Variants in SLC9A4 observed in about 807,000 individuals in gnomAD.
SLC9A4 encodes the protein sodium/hydrogen exchanger 4.
Under a neutral mutation model 67.4 loss-of-function variants are expected in SLC9A4, and 63 were observed. The ratio of observed to expected loss-of-function variants is 0.93; its 90% CI spans 0.76 to 1.15. The LOEUF is 1.15. Among genes scored for constraint, SLC9A4 ranks in the 50% most tolerant of loss-of-function variants. The pLI is 0.00. For missense variants in SLC9A4, 1,089 were observed against 987.7 expected (o/e 1.10, Z -1.38); for synonymous variants, 393 against 367.2 (o/e 1.07, Z -0.80).
chr2:102,520,475 T>C (rs1300521701), intron 9 of SLC9A4, among the ~76,000 whole-genome samples: 3 of 152,228 alleles, frequency 2.0e-5, no homozygotes, highest in Admixed American at 2.0e-4. Context: ...TGGGACCTGG[T>C]CCAAAGTGCA....
intron 2 of SLC9A4, among the ~76,000 whole-genome samples, chr2:102,497,047 C>T (rs1684824911): frequency 6.6e-6 from 1 of 152,238 alleles, no homozygotes. Flanking sequence ...ATTGTCATGT[C>T]TCAGCCTCCT....
chr2:102,488,254 C>T (rs531511835), intron 2 of SLC9A4, among the ~76,000 whole-genome samples: 1 of 152,100 alleles, frequency 6.6e-6, no homozygotes, highest in Non-Finnish European at 1.5e-5. Flanking sequence ...AAAACATGCC[C>T]GGTGTCACGT....
chr2:102,526,277 C>G lies in SLC9A4; in HGVS notation c.1969C>G (p.Arg657Gly). The G allele has an allele frequency of 1.9e-6, 3 of 1,613,716 alleles. No homozygotes were observed. The highest frequency in any genetic ancestry group is 1.1e-5 in the South Asian group (1 of 91,078). ...WGKPAGTKNI[R>G]YLSYPYGNPQ... is the part of the protein sequence containing the mutation. ...CCCACAGGCTGGCACCAAGAATATC[C>G]GCTACCTCTCCTACCCCTACGGGAA... The change falls in exon 11 of 12, where the codon CGC becomes GGC. Residue 657 changes from arginine (R) to glycine (G), a missense_variant. Coordinates refer to ENST00000295269, the MANE Select transcript of SLC9A4 (RefSeq NM_001011552.4).
chr2:102,510,418 C>T (rs1573347720), intron 6 of SLC9A4, among the ~76,000 whole-genome samples: 1 of 152,182 alleles, frequency 6.6e-6, no homozygotes, highest in Non-Finnish European at 1.5e-5. Flanking sequence ...AACCCTCAGG[C>T]ATGAGCCAAA....
At chr2:102,515,956 T>G (rs1458382614) in intron 8 of SLC9A4, among the ~76,000 whole-genome samples, 3 of 152,168 alleles carry the variant, frequency 2.0e-5, no homozygotes, top group Non-Finnish European at 4.4e-5. Flanking sequence ...CTGGGCTCCT[T>G]GCCTTTGACC....
At chr2:102,497,672 C>A (rs575375112) in intron 2 of SLC9A4, among the ~76,000 whole-genome samples, 1 of 152,134 alleles carries the variant, frequency 6.6e-6, no homozygotes, top group African/African-American at 2.4e-5. Context: ...GGGCCAGGGT[C>A]GGAGAGAAGG....
At chr2:102,503,350 G>T (rs574488412) in intron 2 of SLC9A4, 98 bp from the exon 3 acceptor site, 11 of 1,117,868 alleles carry the variant, frequency 9.8e-6, no homozygotes, top group Non-Finnish European at 1.3e-5. Flanking sequence ...ATTTATTTTT[G>T]TGTATTACTT....
chr2:102,486,696 C>T (rs1479429616), intron 2 of SLC9A4, among the ~76,000 whole-genome samples: 1 of 152,152 alleles, frequency 6.6e-6, no homozygotes, highest in Non-Finnish European at 1.5e-5. Flanking sequence ...TTTTGTGCCT[C>T]AGTTTCCACA....
intron 2 of SLC9A4, among the ~76,000 whole-genome samples, chr2:102,498,763 AATACTCAGCCCAGGTTTTCTT>A (rs1362657018): frequency 6.6e-6 from 1 of 152,204 alleles, no homozygotes; most frequent in South Asian, 2.1e-4. Flanking sequence ...TTTTTTTTCA[AATACTCAGCCCAGGTTTTCTT>A]AAAGCATGGC....
intron 8 of SLC9A4, among the ~76,000 whole-genome samples, chr2:102,517,080 G>C (rs947770781): frequency 7.2e-5 from 11 of 152,146 alleles, no homozygotes; most frequent in African/African-American, 2.7e-4. Context: ...CTAGGATGCA[G>C]GTTCTGATGC....
intron 11 of SLC9A4, among the ~76,000 whole-genome samples, chr2:102,529,873 C>G (rs1674744316): frequency 6.6e-6 from 1 of 152,132 alleles, no homozygotes; most frequent in Admixed American, 6.5e-5. Flanking sequence ...TTTTCCAGGG[C>G]TCTTTTGCCT....
At chr2:102,487,552 T>G (rs1055489064) in intron 2 of SLC9A4, among the ~76,000 whole-genome samples, 1 of 152,166 alleles carries the variant, frequency 6.6e-6, no homozygotes, top group Non-Finnish European at 1.5e-5. Context: ...ACTGTATTAT[T>G]TCATTGCAAT....
intron 8 of SLC9A4, among the ~76,000 whole-genome samples, chr2:102,515,830 G>C (rs1293501834): frequency 6.6e-6 from 1 of 151,982 alleles, no homozygotes; most frequent in Non-Finnish European, 1.5e-5. Context: ...GCAGACACAG[G>C]CCTTGCCCTC....
intron 2 of SLC9A4, among the ~76,000 whole-genome samples, chr2:102,500,986 T>C (rs1260809741): frequency 6.7e-6 from 1 of 149,188 alleles, no homozygotes; most frequent in African/African-American, 2.5e-5. Context: ...TAAGATAGAG[T>C]TTCGCTCTTG....
intron 11 of SLC9A4, among the ~76,000 whole-genome samples, chr2:102,530,994 TG>T (rs1674767910): frequency 6.6e-6 from 1 of 152,094 alleles, no homozygotes; most frequent in Non-Finnish European, 1.5e-5. Flanking sequence ...GTTTTTGTTT[TG>T]TTTTTTTAGG....
intron 2 of SLC9A4, among the ~76,000 whole-genome samples, chr2:102,500,436 A>G (rs1212907063): frequency 6.6e-6 from 1 of 152,144 alleles, no homozygotes; most frequent in Non-Finnish European, 1.5e-5. Context: ...CAGCATCCCT[A>G]GGAGAGTCAT....
rs199591158 is a variant in SLC9A4, at chr2:102,515,665, C to T, written c.1721+1414C>T. ...TTATTTAAAATGTTGATATTATATT[C>T]ATCAGTAATTTTTTGCATTGACCTT... On this transcript the variant is annotated intron_variant, in intron 8 of 11. Transcript: ENST00000295269. Among the ~76,000 whole-genome samples, 8 of 152,014 alleles carry T rather than the reference C, an allele frequency of 5.3e-5. No individual in the cohort carries two copies. In the East Asian group the frequency reaches 1.6e-3, roughly 30 times the overall value.
chr2:102,531,574 A>C (rs907328411), intron 11 of SLC9A4, among the ~76,000 whole-genome samples: 5 of 152,206 alleles, frequency 3.3e-5, no homozygotes, highest in Non-Finnish European at 7.3e-5. Flanking sequence ...CATATTCACC[A>C]GCTTATGATA....
At chr2:102,492,644 G>A (rs997284703) in intron 2 of SLC9A4, among the ~76,000 whole-genome samples, 7 of 152,130 alleles carry the variant, frequency 4.6e-5, no homozygotes, top group African/African-American at 9.7e-5. Flanking sequence ...TCCCTCCTAG[G>A]CCTCCAGCCA....
Sources: gnomAD v4.1 joint callset for allele counts (sites outside exome capture counted in the v4.1 genomes callset) on GRCh38, gnomAD v4.1.1 for gene constraint, MANE v1.5 for transcripts, NCBI Gene and HGNC (gene_info 2026-07-23, HGNC 2026-07-21) for gene names.